CRTAC1: variants seen among roughly 807,000 people sequenced by gnomAD.
CRTAC1 encodes acidic secreted protein in cartilage.
A neutral mutation model predicts 67.8 loss-of-function variants in CRTAC1; 37 were observed. That is an observed-to-expected ratio of 0.55 (90% CI 0.42 to 0.72). The LOEUF (loss-of-function observed/expected upper bound fraction) is 0.72, where lower values mean the gene tolerates loss of function less well. Ranked by LOEUF, CRTAC1 falls within the 30% of genes least tolerant of loss-of-function variation. The pLI is 0.00. For synonymous variants in CRTAC1, 348 were observed against 371.0 expected (o/e 0.94, Z 0.71); for missense variants, 780 against 931.6 (o/e 0.84, Z 2.12).
intron 2 of CRTAC1, among the ~76,000 whole-genome samples, chr10:98,008,968 T>C (rs1842853389): frequency 6.6e-6 from 1 of 152,134 alleles, no homozygotes; most frequent in South Asian, 2.1e-4. Context: ...GGGTGGCACA[T>C]GGCTCTGGGA....
chr10:97,876,148 C>T (rs1314322867), intron 14 of CRTAC1, among the ~76,000 whole-genome samples: 1 of 152,102 alleles, frequency 6.6e-6, no homozygotes, highest in East Asian at 1.9e-4. Context: ...TTGCTTAAAC[C>T]AATTCACCAT....
chr10:97,943,921 G>A (rs1350346301), intron 2 of CRTAC1, among the ~76,000 whole-genome samples: 1 of 152,174 alleles, frequency 6.6e-6, no homozygotes, highest in Non-Finnish European at 1.5e-5. Context: ...CTTATAGTAT[G>A]AGTATATTAC....
chr10:97,912,198 C>T (rs1027002174), intron 5 of CRTAC1, among the ~76,000 whole-genome samples: 10 of 152,220 alleles, frequency 6.6e-5, no homozygotes, highest in Admixed American at 3.9e-4. Flanking sequence ...AGGTGCCACA[C>T]AGTCATTAGC....
At chr10:97,966,688 C>G (rs2051621450) in intron 2 of CRTAC1, among the ~76,000 whole-genome samples, 1 of 152,182 alleles carries the variant, frequency 6.6e-6, no homozygotes, top group Non-Finnish European at 1.5e-5. Context: ...ATTTAATTGT[C>G]ATAGCTCTTT....
In CRTAC1 at chr10:98,030,325, A is replaced by G. The variant is rs1310710902; in HGVS notation, c.24+124T>C. On this transcript the variant is annotated intron_variant, in intron 1 of 14. Transcript: ENST00000370597. This position sits in a 1 kb window ranked among gnomAD's most constrained non-coding sequence, Gnocchi z 4.2. Reference sequence around the variant, plus strand: ...TAGGAGCGAAGCCGCCGCCTTCGCGATCCCAGTCTTCCCGGGTTCCCGGGC... The same window carrying G: ...TAGGAGCGAAGCCGCCGCCTTCGCGGTCCCAGTCTTCCCGGGTTCCCGGGC... 5.2e-6 allele frequency: 3 copies of G among 579,964 alleles called. No individual in the cohort carries two copies. The highest frequency in any genetic ancestry group is 7.9e-6 in the Non-Finnish European group (3 of 382,144). 35.9% of individuals were successfully genotyped at this position (579,964 alleles called of 1,614,324 possible).
At chr10:97,978,731 T>G (rs964132866) in intron 2 of CRTAC1, among the ~76,000 whole-genome samples, 11 of 152,286 alleles carry the variant, frequency 7.2e-5, no homozygotes, top group Non-Finnish European at 1.2e-4. Context: ...GCCTTTCTGC[T>G]CCTCCCAGTC....
intron 2 of CRTAC1, among the ~76,000 whole-genome samples, chr10:97,970,635 C>T (rs79242022): frequency 1.3e-5 from 2 of 152,226 alleles, no homozygotes; most frequent in Non-Finnish European, 2.9e-5. Context: ...CTGACACTCA[C>T]TCCTGACACT....
chr10:97,945,996 G>C (rs1021221554), intron 2 of CRTAC1, among the ~76,000 whole-genome samples: 1 of 152,198 alleles, frequency 6.6e-6, no homozygotes, highest in African/African-American at 2.4e-5. Flanking sequence ...CACACAGAAG[G>C]CAGGGACTAT....
Position 97,904,689 on chromosome 10 carries a change from G to C in CRTAC1, c.976C>G (p.His326Asp). The C allele has an allele frequency of 1.3e-6, 2 of 1,583,112 alleles. No homozygotes were observed. The highest frequency in any genetic ancestry group is 1.7e-6 in the Non-Finnish European group (2 of 1,167,232). Reference protein sequence around the residue: ...PHRLYLQMSTHGKVRFRDIAS... With the variant: ...PHRLYLQMSTDGKVRFRDIAS... ...CTTACCCGGAAGCGGACCTTCCCAT[G>C]GGTGCTCATTTGCAGATAGAGGCGG... The change falls in exon 7 of 15, where the codon CAT becomes GAT. Residue 326 changes from histidine to aspartate, a missense_variant. Coordinates refer to ENST00000370597, the MANE Select transcript of CRTAC1 (RefSeq NM_018058.7).
chr10:97,982,533 C>T (rs1399672400), intron 2 of CRTAC1, among the ~76,000 whole-genome samples: 1 of 152,164 alleles, frequency 6.6e-6, no homozygotes, highest in Non-Finnish European at 1.5e-5. Flanking sequence ...GATCTTCACA[C>T]AACTGTCAAC....
At chr10:97,981,485 CATAAT>C (rs1055065940) in intron 2 of CRTAC1, among the ~76,000 whole-genome samples, 1 of 152,222 alleles carries the variant, frequency 6.6e-6, no homozygotes, top group African/African-American at 2.4e-5. Flanking sequence ...TTAATGACCA[CATAAT>C]ATCTCATCAC....
chr10:97,876,921 C>T (rs141665549), intron 14 of CRTAC1, among the ~76,000 whole-genome samples: 2 of 141,474 alleles, frequency 1.4e-5, no homozygotes, highest in East Asian at 4.3e-4. Flanking sequence ...AAAGCCTGTA[C>T]TGCTAGCTCA....
chr10:97,895,299 C>T lies in CRTAC1; in HGVS notation c.1432G>A (p.Asp478Asn). The change falls in exon 11 of 15, where the codon GAC (aspartate) becomes AAC (asparagine). Residue 478 changes from aspartate (D) to asparagine (N), a missense_variant. By Grantham distance (23) the Asp-to-Asn change is conservative. Coordinates refer to ENST00000370597, the MANE Select transcript of CRTAC1 (RefSeq NM_018058.7). The surrounding 1 kb of genome is among the most constrained non-coding windows in gnomAD (Gnocchi z 4.2). ...TCACACAGGTAGCCTGAGCCCCCGTCGATGATCCTCAGGTGGGCCCCACTC... is the reference window on the plus strand; with the variant it reads ...TCACACAGGTAGCCTGAGCCCCCGTTGATGATCCTCAGGTGGGCCCCACTC... ...KKSGAHLRII[D>N]GGSGYLCEME... 8 of 1,613,716 alleles carry T rather than the reference C, an allele frequency of 5.0e-6. No individual in the cohort carries two copies. The highest frequency in any genetic ancestry group is 1.3e-5 in the African/African-American group (1 of 75,038).
chr10:98,010,368 T>C (rs1842881822), intron 2 of CRTAC1, among the ~76,000 whole-genome samples: 2 of 152,148 alleles, frequency 1.3e-5, no homozygotes, highest in South Asian at 4.1e-4. Flanking sequence ...TCAATGGTGA[T>C]TGGCAGAAAT....
chr10:98,018,512 G>T (rs1022993686), intron 1 of CRTAC1, among the ~76,000 whole-genome samples: 4 of 152,122 alleles, frequency 2.6e-5, no homozygotes, highest in African/African-American at 9.7e-5. Flanking sequence ...ATTAATTGTG[G>T]GTTCCATGTA....
chr10:98,012,988 G>A (rs1842935055), intron 1 of CRTAC1, among the ~76,000 whole-genome samples: 1 of 152,196 alleles, frequency 6.6e-6, no homozygotes, highest in Non-Finnish European at 1.5e-5. Context: ...ACTTTGATTG[G>A]ATAAAGGAAA....
chr10:97,865,825 G>GT, intron 14 of CRTAC1, 111 bp from the exon 15 acceptor site: 2 of 1,218,024 alleles, frequency 1.6e-6, no homozygotes, highest in Non-Finnish European at 2.2e-6. Context: ...GCCCGGGGTG[G>GT]GAGGGAGGGT....
chr10:97,950,255 A>AGG (rs1419933424), intron 2 of CRTAC1, among the ~76,000 whole-genome samples: 2 of 142,676 alleles, frequency 1.4e-5, no homozygotes, highest in Admixed American at 6.9e-5. Flanking sequence ...ACAGAGAGAG[A>AGG]GAGAGAGAGA....
chr10:97,870,578 A>G (rs1337219864), intron 14 of CRTAC1: 2 of 152,160 alleles, frequency 1.3e-5, no homozygotes, highest in African/African-American at 4.8e-5. Flanking sequence ...AGAGCTGTGT[A>G]TTTGTCTGTA....
Sources: allele counts gnomAD v4.1 joint callset (sites outside exome capture counted in the v4.1 genomes callset), GRCh38; gene constraint gnomAD v4.1.1; non-coding constraint Gnocchi (gnomAD v3.1); transcripts MANE v1.5; gene names NCBI Gene and HGNC (gene_info 2026-07-23, HGNC 2026-07-21).